SIDT1: variants seen among roughly 807,000 people sequenced by gnomAD.
The protein encoded by SIDT1 is SID1 transmembrane family member 1.
Under a neutral mutation model 107.5 loss-of-function variants are expected in SIDT1, and 101 were observed. That is an observed-to-expected ratio of 0.94 (90% CI 0.80 to 1.11). SIDT1 has a LOEUF of 1.11. Ranked by LOEUF, SIDT1 falls within the 50% of genes least tolerant of loss-of-function variation. The probability of loss-of-function intolerance (pLI) is 0.00; values close to 1 mark genes in which losing one functional copy is unlikely to be tolerated. For synonymous variants in SIDT1, 395 were observed against 398.2 expected (o/e 0.99, Z 0.10); for missense variants, 1,076 against 1,058.2 (o/e 1.02, Z -0.23).
intron 4 of SIDT1, among the ~76,000 whole-genome samples, chr3:113,578,457 ACT>A (rs759662746): frequency 7.0e-6 from 1 of 143,822 alleles, no homozygotes; most frequent in South Asian, 2.2e-4. Flanking sequence ...ACAGAGCGAG[ACT>A]CTGTCTCAAA....
chr3:113,605,122 C>CTATTTTTTTTTTT, intron 14 of SIDT1, 146 bp downstream of exon 14: 3 of 306,982 alleles, frequency 9.8e-6, no homozygotes, highest in Non-Finnish European at 1.6e-5. Context: ...CTATTGCTTC[C>CTATTTTTTTTTTT]TCTTTTTTTT....
At position 113,532,961 on chromosome 3, in the gene SIDT1, T is replaced by G. The variant is rs1421219863; in HGVS notation, c.-61T>G. 1 of 1,170,042 alleles carries G rather than the reference T, an allele frequency of 8.5e-7. No homozygotes were observed. The highest frequency in any genetic ancestry group is 4.2e-5 in the Admixed American group (1 of 23,572). 72.5% of individuals were successfully genotyped at this position (1,170,042 alleles called of 1,614,324 possible). ...CCTGCACCGGGCTTTGGAAGGACCC[T>G]CTCTGCGCTCGCCCCCTCCCCAGGG... On this transcript the variant is annotated 5_prime_UTR_variant, in exon 1 of 25. Coordinates refer to ENST00000264852, the MANE Select transcript of SIDT1 (RefSeq NM_017699.3).
At chr3:113,567,841 G>C (rs1342833986) in intron 3 of SIDT1, 131 bp downstream of exon 3, 4 of 895,460 alleles carry the variant, frequency 4.5e-6, no homozygotes, top group Non-Finnish European at 6.8e-6. Flanking sequence ...AGCACTTCCT[G>C]AACTCTCCTG....
chr3:113,602,717 G>A, intron 11 of SIDT1: 1 of 251,258 alleles, frequency 4.0e-6, no homozygotes, highest in East Asian at 7.9e-5. Flanking sequence ...TGAAATAGAA[G>A]TATAATATTA....
At chr3:113,634,421 T>C (rs10934235), downstream of SIDT1, among the ~76,000 whole-genome samples, 57,175 of 151,618 alleles carry the variant, frequency 0.38, 10,783 homozygotes, top group African/African-American at 0.45. Flanking sequence ...CTTTGGGAGG[T>C]CAAGGCGGGT....
At chr3:113,611,424 C>T (rs1029372034) in intron 18 of SIDT1, among the ~76,000 whole-genome samples, 2 of 152,154 alleles carry the variant, frequency 1.3e-5, no homozygotes, top group African/African-American at 4.8e-5. Flanking sequence ...CTCCACCTCC[C>T]GGGTTCAAGC....
rs541941837 is a variant in SIDT1 at position 113,577,419 on chromosome 3, G to A, written c.561+452G>A. On this transcript the variant is annotated intron_variant, in intron 4 of 24. Coordinates refer to ENST00000264852, the MANE Select transcript of SIDT1 (RefSeq NM_017699.3). ...TAATTAATTGACCTGGAAATACAAC[G>A]AAAATAAGACATTTTAATGTTTACA... Among the ~76,000 whole-genome samples, 6 of 152,236 alleles carry A rather than the reference G, an allele frequency of 3.9e-5. No homozygotes were observed. In the East Asian group the frequency reaches 9.6e-4, roughly 24 times the overall value.
intron 4 of SIDT1, among the ~76,000 whole-genome samples, chr3:113,579,534 T>TA (rs969998778): frequency 6.6e-6 from 1 of 152,188 alleles, no homozygotes; most frequent in Non-Finnish European, 1.5e-5. Context: ...CCATCTGTTA[T>TA]AAGATGTGAA....
intron 24 of SIDT1, among the ~76,000 whole-genome samples, chr3:113,626,540 G>A (rs1446668556): frequency 1.3e-5 from 2 of 152,040 alleles, no homozygotes; most frequent in African/African-American, 4.8e-5. Flanking sequence ...TAGCAATTCC[G>A]ATAACATTGG....
At position 113,623,445 on chromosome 3, in the gene SIDT1, A is replaced by G. The variant is rs1417954047; in HGVS notation, c.2109A>G (p.Ile703Met). Residue 703 changes from isoleucine (I) to methionine (M), a missense_variant, in exon 22 of 25, where the codon ATA (isoleucine) becomes ATG (methionine). Physicochemically the swap from Ile to Met is conservative, Grantham distance 10. Coordinates refer to ENST00000264852, the MANE Select transcript of SIDT1 (RefSeq NM_017699.3). ...VNWSFALFGL[I>M]YRPRDFASYM... ...CCTGCAGCGCCCTCTTTGGATTGAT[A>G]TACCGCCCCAGGGACTTTGCTTCCT... is the stretch of plus-strand genomic sequence containing the variant. 6 of 1,613,288 alleles carry G rather than the reference A, an allele frequency of 3.7e-6. No individual in the cohort carries two copies. Among genetic ancestry groups the G allele is most frequent in the Non-Finnish European group, 5.1e-6 (6 of 1,179,252 alleles).
chr3:113,569,724 C>T (rs1942267688), intron 3 of SIDT1, among the ~76,000 whole-genome samples: 1 of 152,094 alleles, frequency 6.6e-6, no homozygotes, highest in Admixed American at 6.5e-5. Context: ...CTATCCTCCA[C>T]AAGAACAAGG....
At chr3:113,556,181 T>C (rs75817065) in intron 1 of SIDT1, among the ~76,000 whole-genome samples, 7,122 of 152,312 alleles carry the variant, frequency 0.047, 220 homozygotes, top group African/African-American at 0.085. Flanking sequence ...GGTCTATATA[T>C]CTTTCTTTAT....
rs903467969 is a variant in SIDT1 at position 113,532,711 on chromosome 3, G to C, written c.-311G>C. 9.5e-6 allele frequency: 3 copies of C among 317,226 alleles called. No homozygotes were observed. 19.7% of individuals were successfully genotyped at this position (317,226 alleles called of 1,614,324 possible). A position where few individuals can be genotyped will look rare whatever the true frequency, so the allele number is the denominator to read the frequency against. On this transcript the variant is annotated 5_prime_UTR_variant, in exon 1 of 25. Coordinates refer to ENST00000264852, the MANE Select transcript of SIDT1 (RefSeq NM_017699.3). ...CGGTCTAAATTCTGGCTGGGTAAGT[G>C]GGGGGATTCTCGGCGATGAGAAACG...
intron 17 of SIDT1, among the ~76,000 whole-genome samples, chr3:113,609,784 C>T (rs960822100): frequency 3.9e-5 from 6 of 152,140 alleles, no homozygotes; most frequent in African/African-American, 1.4e-4. Context: ...TGATATCATT[C>T]ACCACTCAGA....
chr3:113,568,351 T>A (rs1235547474), intron 3 of SIDT1, among the ~76,000 whole-genome samples: 1 of 151,978 alleles, frequency 6.6e-6, no homozygotes, highest in Non-Finnish European at 1.5e-5. Context: ...ATCCTAGCAC[T>A]TTGGGAGGCC....
intron 3 of SIDT1, among the ~76,000 whole-genome samples, chr3:113,573,581 T>C (rs1050056237): frequency 7.2e-5 from 11 of 152,176 alleles, no homozygotes; most frequent in Non-Finnish European, 1.6e-4. Context: ...TTCCCCAAAA[T>C]TCATATTGAA....
intron 1 of SIDT1, among the ~76,000 whole-genome samples, chr3:113,540,353 A>G (rs1938674291): frequency 1.3e-5 from 2 of 152,200 alleles, no homozygotes; most frequent in Non-Finnish European, 2.9e-5. Context: ...TGGGGGACAA[A>G]CATCCAACTA....
Position 113,607,085 on chromosome 3 carries a change from C to T in SIDT1, c.1449C>T (p.Phe483=), listed in dbSNP as rs1274560006. Residue 483 remains phenylalanine (F), a synonymous_variant, in exon 15 of 25, where the codon TTC becomes TTT. Transcript: ENST00000264852. ...ACCAGGACATCTGTTACTACAACTT[C>T]CTCTGTGCTCACCCCTTGGGCGTCC... ...TGNQDICYYN[F]LCAHPLGVLS... is the part of the protein sequence containing the mutation. 4 of 1,613,262 alleles carry T rather than the reference C, an allele frequency of 2.5e-6. No homozygotes were observed. The Admixed American group carries it at 6.7e-5, about 27-fold the overall frequency.
At chr3:113,551,233 A>C (rs1940195013) in intron 1 of SIDT1, among the ~76,000 whole-genome samples, 1 of 152,186 alleles carries the variant, frequency 6.6e-6, no homozygotes, top group African/African-American at 2.4e-5. Context: ...ATATGCATGC[A>C]GATGTCTTTA....
Sources: gnomAD v4.1 joint callset for allele counts (sites outside exome capture counted in the v4.1 genomes callset) on GRCh38, gnomAD v4.1.1 for gene constraint, MANE v1.5 for transcripts, NCBI Gene and HGNC (gene_info 2026-07-23, HGNC 2026-07-21) for gene names.